TJP2: variants seen among roughly 807,000 people sequenced by gnomAD.
The protein encoded by TJP2 is Friedreich ataxia region gene X104 (tight junction protein ZO-2).
A neutral mutation model predicts 133.1 loss-of-function variants in TJP2; 91 were observed. The observed-to-expected ratio is 0.68, with a 90% CI of 0.58 to 0.81. The LOEUF (loss-of-function observed/expected upper bound fraction) is 0.81, where lower values mean the gene tolerates loss of function less well. TJP2 is among the 40% of genes least tolerant of loss of function. TJP2 has a pLI of 0.00. For missense variants in TJP2, 1,541 were observed against 1,565.6 expected, an observed-to-expected ratio of 0.98 and a Z score of 0.26; for synonymous variants, 592 against 583.4, an observed-to-expected ratio of 1.01 and a Z score of -0.21.
intron 1 of TJP2, among the ~76,000 whole-genome samples, chr9:69,203,029 G>C (rs17062397): frequency 0.066 from 9,974 of 152,154 alleles, 445 homozygotes; most frequent in East Asian, 0.22. Flanking sequence ...TCTGACTTCT[G>C]GGTAGTATGC....
chr9:69,235,024 A>G (rs1033687307), intron 12 of TJP2, among the ~76,000 whole-genome samples: 1 of 152,254 alleles, frequency 6.6e-6, no homozygotes. Flanking sequence ...CCAGAGAAAC[A>G]GAATGATAGG....
chr9:69,152,817 C>CTTTTTTTTTTTTTTTTTTTTTTTTTTTT (rs10543289), intron 2 of TJP2, among the ~76,000 whole-genome samples: 1 of 47,996 alleles, frequency 2.1e-5, no homozygotes, highest in Admixed American at 3.3e-4. Flanking sequence ...CTCTGGAGCT[C>CTTTTTTTTTTTTTTTTTTTTTTTTTTTT]TTTTTTTTTT....
intron 5 of TJP2, among the ~76,000 whole-genome samples, chr9:69,225,029 C>T (rs1829227351): frequency 6.6e-6 from 1 of 152,190 alleles, no homozygotes; most frequent in African/African-American, 2.4e-5. Flanking sequence ...AATGATGTAA[C>T]TCATTCTTCC....
At chr9:69,214,788 A>C (rs1329389718) in intron 2 of TJP2, among the ~76,000 whole-genome samples, 1 of 148,848 alleles carries the variant, frequency 6.7e-6, no homozygotes, top group African/African-American at 2.5e-5. Context: ...CAGGAGAATC[A>C]CTTGAACCTA....
intron 2 of TJP2, among the ~76,000 whole-genome samples, chr9:69,213,416 CCTGGTTTTT>C (rs1229983723): frequency 1.3e-5 from 2 of 152,086 alleles, no homozygotes; most frequent in African/African-American, 4.8e-5. Context: ...CTGTGATTTT[CCTGGTTTTT>C]CTGCAGGGTT....
intron 1 of TJP2, among the ~76,000 whole-genome samples, chr9:69,211,865 G>C (rs1334976842): frequency 6.6e-6 from 1 of 152,094 alleles, no homozygotes; most frequent in African/African-American, 2.4e-5. Context: ...GCCTGCTTCA[G>C]TGCTGGCTTA....
chr9:69,252,837 C>A lies in TJP2; in HGVS notation c.3344C>A (p.Pro1115His). Residue 1115 changes from proline (P) to histidine (H), a missense_variant, in exon 22 of 23, where the codon CCT (proline) becomes CAT (histidine). Pro to His is a moderately conservative substitution (Grantham distance 77, BLOSUM62 -2). Transcript: ENST00000377245. ...NARIEIAQKH[P>H]DIYAVPIKTH... ...CAGATCGAAATTGCCCAGAAGCATC[C>A]TGATATCTATGCAGTTCCAATCAAA... is the stretch of plus-strand genomic sequence containing the variant. 1.2e-6 allele frequency: 2 copies of A among 1,614,168 alleles called. No homozygotes were observed. Among genetic ancestry groups the A allele is most frequent in the Non-Finnish European group, 1.7e-6 (2 of 1,180,036 alleles).
upstream of TJP2, among the ~76,000 whole-genome samples, chr9:69,170,770 C>T (rs1485596378): frequency 6.6e-6 from 1 of 152,168 alleles, no homozygotes; most frequent in African/African-American, 2.4e-5. Context: ...TCCTTTCTGG[C>T]AGCTCCTCTT....
chr9:69,226,381 G>T (rs758083890), intron 7 of TJP2, among the ~76,000 whole-genome samples: 1 of 152,188 alleles, frequency 6.6e-6, no homozygotes, highest in African/African-American at 2.4e-5. Context: ...AAATTCTGGT[G>T]CATTTGCGAA....
At chr9:69,177,891 C>T (rs773168417) in intron 1 of TJP2, among the ~76,000 whole-genome samples, 3 of 152,004 alleles carry the variant, frequency 2.0e-5, no homozygotes, top group Non-Finnish European at 4.4e-5. Flanking sequence ...GGCAGAGTTC[C>T]GAGTTGGAGA....
At chr9:69,250,286 T>C (rs1831236230) in intron 20 of TJP2, among the ~76,000 whole-genome samples, 1 of 152,078 alleles carries the variant, frequency 6.6e-6, no homozygotes, top group Non-Finnish European at 1.5e-5. Context: ...GTATTTTTAG[T>C]AGAGATGGGG....
chr9:69,218,546 C>A, intron 4 of TJP2, 187 bp downstream of exon 4: 1 of 636,410 alleles, frequency 1.6e-6, no homozygotes, highest in Non-Finnish European at 2.9e-6. Flanking sequence ...TTCCTTGTGT[C>A]TTCTCCTGAG....
chr9:69,204,712 C>T, intron 1 of TJP2: 4 of 623,378 alleles, frequency 6.4e-6, no homozygotes, highest in Non-Finnish European at 8.0e-6. Context: ...TGACCTGAAA[C>T]ATTGCTAGTT....
intron 1 of TJP2, among the ~76,000 whole-genome samples, chr9:69,206,013 A>G (rs149034684): frequency 8.3e-4 from 126 of 152,270 alleles, no homozygotes; most frequent in African/African-American, 2.9e-3. Flanking sequence ...ATAAGTAACT[A>G]TTTGCCTTAG....
At chr9:69,200,597 T>C (rs922930291) in intron 1 of TJP2, among the ~76,000 whole-genome samples, 1 of 152,194 alleles carries the variant, frequency 6.6e-6, no homozygotes, top group South Asian at 2.1e-4. Context: ...TCTTGCTTTG[T>C]TGCCTAGCCC....
upstream of TJP2, among the ~76,000 whole-genome samples, chr9:69,171,232 T>C (rs1041428089): frequency 6.6e-6 from 1 of 152,206 alleles, no homozygotes; most frequent in South Asian, 2.1e-4. Flanking sequence ...AGTCAGGCAG[T>C]CATCCAGCCT....
intron 1 of TJP2, among the ~76,000 whole-genome samples, chr9:69,178,626 C>T (rs1000762025): frequency 6.6e-6 from 1 of 152,182 alleles, no homozygotes; most frequent in Non-Finnish European, 1.5e-5. Context: ...CTGTCTTAAG[C>T]GTGTGCATCC....
chr9:69,137,019 T>G (rs1414166028), intron 1 of TJP2, among the ~76,000 whole-genome samples: 1 of 151,998 alleles, frequency 6.6e-6, no homozygotes, highest in East Asian at 1.9e-4. Context: ...CTGAGCAGAG[T>G]GGAAGGAGTC....
chr9:69,142,030 C>T (rs1184336825), intron 1 of TJP2, among the ~76,000 whole-genome samples: 1 of 152,204 alleles, frequency 6.6e-6, no homozygotes, highest in African/African-American at 2.4e-5. Flanking sequence ...CCAAGTCTTT[C>T]CCCTGTGTCA....
Sources: allele counts gnomAD v4.1 joint callset (sites outside exome capture counted in the v4.1 genomes callset), GRCh38; gene constraint gnomAD v4.1.1; transcripts MANE v1.5; gene names NCBI Gene and HGNC (gene_info 2026-07-23, HGNC 2026-07-21).